The following SLC39A11 variants were observed in gnomAD, a reference collection of about 807,000 sequenced individuals.
SLC39A11 encodes zinc transporter ZIP11.
A neutral mutation model predicts 36.1 loss-of-function variants in SLC39A11; 33 were observed. That is an observed-to-expected ratio of 0.91 (90% CI 0.69 to 1.22). The LOEUF is 1.22. SLC39A11 is among the 50% of genes most tolerant of loss of function. SLC39A11 has a pLI of 0.00. For missense variants in SLC39A11, 432 were observed against 430.3 expected (o/e 1.00, Z -0.03); for synonymous variants, 166 against 170.3 (o/e 0.97, Z 0.20).
At chr17:72,910,643 A>AAAAC (rs2082934769) in intron 5 of SLC39A11, among the ~76,000 whole-genome samples, 1 of 146,946 alleles carries the variant, frequency 6.8e-6, no homozygotes, top group Non-Finnish European at 1.5e-5. Flanking sequence ...AAAAAAAAAA[A>AAAAC]AGGCTGGGCA....
At chr17:72,822,783 T>C (rs148536189) in intron 6 of SLC39A11, among the ~76,000 whole-genome samples, 2,254 of 150,934 alleles carry the variant, frequency 0.015, 60 homozygotes, top group African/African-American at 0.051. Flanking sequence ...GGCACGATCA[T>C]AGCTCACTGC....
At chr17:72,851,818 A>G (rs2079344342) in intron 5 of SLC39A11, among the ~76,000 whole-genome samples, 1 of 152,180 alleles carries the variant, frequency 6.6e-6, no homozygotes, top group African/African-American at 2.4e-5. Flanking sequence ...GAGCTCTCTG[A>G]ATGTCTTCTA....
At chr17:73,012,939 C>T (rs1230869082) in intron 4 of SLC39A11, among the ~76,000 whole-genome samples, 4 of 152,004 alleles carry the variant, frequency 2.6e-5, no homozygotes, top group African/African-American at 9.7e-5. Flanking sequence ...GCTGAGACTA[C>T]AAGTGCGAGC....
At chr17:72,961,680 T>C (rs974648321) in intron 4 of SLC39A11, among the ~76,000 whole-genome samples, 30 of 152,100 alleles carry the variant, frequency 2.0e-4, no homozygotes, top group African/African-American at 5.1e-4. Flanking sequence ...TAGGTGGGAA[T>C]TGAACAATGA....
intron 6 of SLC39A11, among the ~76,000 whole-genome samples, chr17:72,751,949 C>A (rs1430095534): frequency 6.6e-6 from 1 of 152,112 alleles, no homozygotes; most frequent in Admixed American, 6.6e-5. Context: ...CTCCTCCTCC[C>A]TCCCACAGCC....
chr17:72,869,476 G>C (rs1447318779), intron 5 of SLC39A11, among the ~76,000 whole-genome samples: 1 of 152,166 alleles, frequency 6.6e-6, no homozygotes, highest in Non-Finnish European at 1.5e-5. Context: ...TGCAACCTCT[G>C]CCTCCCGGGT....
At chr17:72,903,926 GA>G (rs539072505) in intron 5 of SLC39A11, among the ~76,000 whole-genome samples, 2 of 151,956 alleles carry the variant, frequency 1.3e-5, no homozygotes, top group African/African-American at 2.4e-5. Context: ...TCCTGGGCAG[GA>G]AAAAAAGTCT....
intron 6 of SLC39A11, among the ~76,000 whole-genome samples, chr17:72,796,718 G>A (rs1039693020): frequency 2.1e-4 from 32 of 152,142 alleles, no homozygotes; most frequent in African/African-American, 7.2e-4. Context: ...CCTCAAATTC[G>A]ATGCTGACTT....
intron 5 of SLC39A11, among the ~76,000 whole-genome samples, chr17:72,867,792 A>G (rs1005077652): frequency 1.1e-4 from 16 of 151,820 alleles, no homozygotes; most frequent in South Asian, 4.2e-4. Context: ...ACACACACGC[A>G]CACACACCTA....
At chr17:72,690,820 A>C (rs1245559537) in intron 7 of SLC39A11, among the ~76,000 whole-genome samples, 1 of 152,150 alleles carries the variant, frequency 6.6e-6, no homozygotes, top group Non-Finnish European at 1.5e-5. Flanking sequence ...GCACTTGTGA[A>C]GGTCACAGCA....
intron 3 of SLC39A11, among the ~76,000 whole-genome samples, chr17:73,053,174 C>T (rs745484383): frequency 7.2e-5 from 11 of 151,778 alleles, no homozygotes; most frequent in African/African-American, 1.7e-4. Context: ...CAACAGAGCG[C>T]GACCCCATCT....
At chr17:73,080,937 T>A (rs1300136027) in intron 3 of SLC39A11, among the ~76,000 whole-genome samples, 4 of 149,084 alleles carry the variant, frequency 2.7e-5, no homozygotes, top group African/African-American at 1.0e-4. Context: ...AGAGTGAGGC[T>A]CCATGTCAAA....
chr17:72,980,732 A>C (rs2088237408), intron 4 of SLC39A11, among the ~76,000 whole-genome samples: 1 of 152,198 alleles, frequency 6.6e-6, no homozygotes, highest in Admixed American at 6.5e-5. Context: ...TATAATAAAA[A>C]TAGAATGTGA....
intron 6 of SLC39A11, among the ~76,000 whole-genome samples, chr17:72,774,767 G>A (rs111846896): frequency 6.6e-6 from 1 of 152,222 alleles, no homozygotes; most frequent in Admixed American, 6.5e-5. Context: ...TCTAGTTAGA[G>A]CACCTCTCAT....
rs141265035 is a variant in SLC39A11 at position 72,662,718 on chromosome 17, G to A, written c.672-13450C>T. On this transcript the variant is annotated intron_variant, in intron 7 of 9. Coordinates refer to ENST00000255559, the MANE Select transcript of SLC39A11 (RefSeq NM_139177.4). The stretch of plus-strand genomic sequence containing the variant: ...AAAAGGAAGGAGGGAAGAAAGAGAA[G>A]AAAGAGAGAGAGAGAAAGAAAAAAG... Among the ~76,000 whole-genome samples the A allele has an allele frequency of 5.1e-3, 629 of 123,886 alleles. 4 individuals carry two copies. The highest frequency in any genetic ancestry group is 0.017 in the African/African-American group (569 of 32,566). 81.3% of individuals were successfully genotyped at this position (123,886 alleles called of 152,430 possible).
At chr17:72,892,493 A>T (rs569970565) in intron 5 of SLC39A11, among the ~76,000 whole-genome samples, 1 of 152,298 alleles carries the variant, frequency 6.6e-6, no homozygotes, top group Non-Finnish European at 1.5e-5. Context: ...GTCTTAGAAA[A>T]AAAAGATAAT....
intron 5 of SLC39A11, among the ~76,000 whole-genome samples, chr17:72,897,186 GC>G (rs2082079246): frequency 6.6e-6 from 1 of 152,102 alleles, no homozygotes. Context: ...GTAATTCATG[GC>G]AGAGATGATG....
At chr17:72,816,686 CT>C (rs2077595382) in intron 6 of SLC39A11, among the ~76,000 whole-genome samples, 1 of 152,166 alleles carries the variant, frequency 6.6e-6, no homozygotes, top group African/African-American at 2.4e-5. Context: ...CAAACCCAAG[CT>C]CTCCCAGGTG....
chr17:72,974,431 CAAAA>C (rs35927526), intron 4 of SLC39A11, among the ~76,000 whole-genome samples: 3 of 132,400 alleles, frequency 2.3e-5, no homozygotes, highest in African/African-American at 2.9e-5. Flanking sequence ...CATTTTGTAC[CAAAA>C]AAAAAAAAAA....
Sources: allele counts gnomAD v4.1 joint callset (sites outside exome capture counted in the v4.1 genomes callset), GRCh38; gene constraint gnomAD v4.1.1; transcripts MANE v1.5; gene names NCBI Gene and HGNC (gene_info 2026-07-23, HGNC 2026-07-21).